The following COL19A1 variants were observed in gnomAD, a reference collection of about 807,000 sequenced individuals.
COL19A1 encodes the protein collagen type XIX alpha 1 chain.
Under a neutral mutation model 190.2 loss-of-function variants are expected in COL19A1, and 159 were observed. The observed-to-expected ratio is 0.84, with a 90% CI of 0.73 to 0.95. The LOEUF (loss-of-function observed/expected upper bound fraction) is 0.95, where lower values mean the gene tolerates loss of function less well. Ranked by LOEUF, COL19A1 falls within the 40% of genes least tolerant of loss-of-function variation. COL19A1 has a pLI of 0.00. For synonymous variants in COL19A1, 509 were observed against 458.9 expected (o/e 1.11, Z -1.39); for missense variants, 1,418 against 1,431.9 (o/e 0.99, Z 0.16).
Position 70,180,528 on chromosome 6 carries a change from G to A in COL19A1, c.2775+5G>A, listed in dbSNP as rs1230919351. ...GAAGGACCCTCAGGAAAGCCAGTAA[G>A]TACTTCTTACTACTTAAAATATGCC... On this transcript the variant is annotated splice_donor_5th_base_variant and intron_variant, in intron 44 of 50. Transcript: ENST00000620364. The A allele has an allele frequency of 6.2e-7, 1 of 1,613,996 alleles. No homozygotes were observed. The highest frequency in any genetic ancestry group is 8.5e-7 in the Non-Finnish European group (1 of 1,179,902).
At chr6:70,131,438 T>C (rs1190359397) in intron 18 of COL19A1, among the ~76,000 whole-genome samples, 1 of 152,156 alleles carries the variant, frequency 6.6e-6, no homozygotes, top group Non-Finnish European at 1.5e-5. Flanking sequence ...TCTTACAGAT[T>C]GATGATTGAA....
chr6:69,972,865 T>A (rs1201575882), intron 11 of COL19A1, among the ~76,000 whole-genome samples: 1 of 152,224 alleles, frequency 6.6e-6, no homozygotes, highest in East Asian at 1.9e-4. Context: ...CAATGTCTTT[T>A]GAATTTAGTA....
At chr6:69,962,520 T>C (rs541597893) in intron 10 of COL19A1, among the ~76,000 whole-genome samples, 1 of 152,270 alleles carries the variant, frequency 6.6e-6, no homozygotes, top group African/African-American at 2.4e-5. Flanking sequence ...AATCAAACTC[T>C]CAAAACAAAC....
chr6:69,934,718 T>A (rs1772991441), intron 7 of COL19A1, among the ~76,000 whole-genome samples: 1 of 151,728 alleles, frequency 6.6e-6, no homozygotes, highest in South Asian at 2.1e-4. Context: ...ATGGAAAAAA[T>A]AAGGAAAGAC....
chr6:70,190,301 T>C lies in COL19A1; in HGVS notation c.3028-14T>C. ...TATGCTCTATTTTAACAACCTTTTT[T>C]TTTCCTTCTTCAGGCTGATGCAGTT... On this transcript the variant is annotated splice_polypyrimidine_tract_variant and intron_variant, in intron 47 of 50. Transcript: ENST00000620364. The C allele has an allele frequency of 6.3e-7, 1 of 1,586,758 alleles. No individual in the cohort carries two copies. Among genetic ancestry groups the C allele is most frequent in the South Asian group, 1.1e-5 (1 of 88,836 alleles).
chr6:70,089,402 T>C (rs918464041), intron 15 of COL19A1, among the ~76,000 whole-genome samples: 7 of 152,166 alleles, frequency 4.6e-5, no homozygotes, highest in Non-Finnish European at 7.4e-5. Flanking sequence ...TTTTAAAAGA[T>C]GCCCAAACTA....
intron 16 of COL19A1, among the ~76,000 whole-genome samples, chr6:70,105,012 G>T (rs568403695): frequency 6.6e-6 from 1 of 152,126 alleles, no homozygotes; most frequent in Admixed American, 6.6e-5. Flanking sequence ...CAGAGTGTTT[G>T]GGGGAGAGAG....
At chr6:70,105,761 G>A (rs1164376964) in intron 16 of COL19A1, among the ~76,000 whole-genome samples, 1 of 152,184 alleles carries the variant, frequency 6.6e-6, no homozygotes, top group African/African-American at 2.4e-5. Flanking sequence ...CCAGTGGCCA[G>A]TATGTGAGAA....
chr6:70,067,767 G>A (rs546935719), intron 14 of COL19A1, among the ~76,000 whole-genome samples: 7 of 151,930 alleles, frequency 4.6e-5, no homozygotes, highest in Admixed American at 4.6e-4. Context: ...TTTTTGAATG[G>A]CAATATCATC....
At chr6:70,186,224 C>T (rs938622557) in intron 46 of COL19A1, among the ~76,000 whole-genome samples, 8 of 152,176 alleles carry the variant, frequency 5.3e-5, no homozygotes, top group African/African-American at 1.7e-4. Flanking sequence ...TAATAATAAA[C>T]ATCACTACAA....
chr6:69,943,704 T>C (rs763363068), intron 9 of COL19A1, among the ~76,000 whole-genome samples: 9 of 152,182 alleles, frequency 5.9e-5, no homozygotes, highest in Non-Finnish European at 1.2e-4. Flanking sequence ...AATCAGTTGG[T>C]TGTAAATACA....
intron 16 of COL19A1, among the ~76,000 whole-genome samples, chr6:70,110,332 A>G (rs1207845163): frequency 6.6e-6 from 1 of 152,128 alleles, no homozygotes; most frequent in Non-Finnish European, 1.5e-5. Flanking sequence ...GAGAACCACA[A>G]TCTCTTCTGT....
rs780447080 is a variant in COL19A1 at position 69,936,871 on chromosome 6, G to A, written c.834G>A (p.Lys278=). ...ASKMSSYLPA[K]QELKDQCQCI... is the part of the protein sequence containing the mutation. ...AAATGTCTTCATATCTGCCAGCAAA[G>A]CAGGAACTTAAAGACCAGTGCCAGT... Residue 278 remains lysine (K), a synonymous_variant, in exon 8 of 51, where the codon AAG becomes AAA. Transcript: ENST00000620364. The A allele has an allele frequency of 2.5e-6, 4 of 1,613,154 alleles. No individual in the cohort carries two copies. The highest frequency in any genetic ancestry group is 1.1e-5 in the South Asian group (1 of 91,062).
chr6:69,919,944 A>G (rs1771583674), intron 4 of COL19A1, among the ~76,000 whole-genome samples: 1 of 152,096 alleles, frequency 6.6e-6, no homozygotes, highest in Admixed American at 6.6e-5. Flanking sequence ...TAGGTGTGTG[A>G]GGGGGTGCAG....
At chr6:70,050,457 T>A (rs1780144139) in intron 14 of COL19A1, among the ~76,000 whole-genome samples, 1 of 152,050 alleles carries the variant, frequency 6.6e-6, no homozygotes, top group East Asian at 1.9e-4. Context: ...AATAAGAACC[T>A]TGTCTATCTT....
At chr6:69,978,643 A>G (rs534683986) in intron 11 of COL19A1, among the ~76,000 whole-genome samples, 1 of 151,840 alleles carries the variant, frequency 6.6e-6, no homozygotes, top group South Asian at 2.1e-4. Context: ...AGAAGAAAAT[A>G]TAAAAATAAT....
intron 34 of COL19A1, among the ~76,000 whole-genome samples, chr6:70,158,068 A>G (rs1787552690): frequency 6.6e-6 from 1 of 152,096 alleles, no homozygotes. Context: ...TTCTCATTAC[A>G]TGGGGAGTTC....
At chr6:69,936,538 T>C (rs1487235522) in intron 7 of COL19A1, among the ~76,000 whole-genome samples, 2 of 152,188 alleles carry the variant, frequency 1.3e-5, no homozygotes, top group Non-Finnish European at 2.9e-5. Flanking sequence ...TGTAACTTTG[T>C]AATTCCTTAC....
chr6:70,029,100 A>G (rs531142834), intron 12 of COL19A1, among the ~76,000 whole-genome samples: 67 of 152,256 alleles, frequency 4.4e-4, no homozygotes, highest in Middle Eastern at 3.4e-3. Context: ...TCTGTACTAG[A>G]GGATACAAAA....
Sources: gnomAD v4.1 joint callset for allele counts (sites outside exome capture counted in the v4.1 genomes callset) on GRCh38, gnomAD v4.1.1 for gene constraint, MANE v1.5 for transcripts, NCBI Gene and HGNC (gene_info 2026-07-23, HGNC 2026-07-21) for gene names.